Variants in MATN2 observed in about 807,000 individuals in gnomAD.
The protein encoded by MATN2 is matrilin-2.
Under a neutral mutation model 103.2 loss-of-function variants are expected in MATN2, and 69 were observed. The ratio of observed to expected loss-of-function variants is 0.67; its 90% CI spans 0.55 to 0.82. The LOEUF is 0.82. MATN2 is among the 40% of genes least tolerant of loss of function. The pLI, the probability that MATN2 is intolerant of heterozygous loss-of-function variation, is 0.00. For synonymous variants in MATN2, 429 were observed against 450.2 expected (o/e 0.95, Z 0.60); for missense variants, 1,023 against 1,211.5 (o/e 0.84, Z 2.31).
chr8:97,970,056 T>C (rs1259655045), intron 5 of MATN2, among the ~76,000 whole-genome samples: 1 of 152,230 alleles, frequency 6.6e-6, no homozygotes, highest in African/African-American at 2.4e-5. Flanking sequence ...AAAACAGCTT[T>C]ATTGAAGAGG....
intron 2 of MATN2, among the ~76,000 whole-genome samples, chr8:97,889,459 C>CTCTATATATATATATATATATATATA (rs1818554246): frequency 8.1e-6 from 1 of 123,366 alleles, no homozygotes; most frequent in Non-Finnish European, 1.7e-5. Context: ...CTCTCTCTGT[C>CTCTATATATATATATATATATATATA]TATATATATA....
At chr8:97,928,795 T>TA (rs1165520269) in intron 2 of MATN2, among the ~76,000 whole-genome samples, 1 of 152,228 alleles carries the variant, frequency 6.6e-6, no homozygotes, top group Non-Finnish European at 1.5e-5. Flanking sequence ...CTTAAATTCT[T>TA]ACAGCTGCCC....
Position 98,008,410 on chromosome 8 carries a change from G to A in MATN2, c.1573+809G>A, listed in dbSNP as rs1229759904. Among the ~76,000 whole-genome samples the A allele has an allele frequency of 2.0e-5, 3 of 152,182 alleles. No homozygotes were observed. The East Asian group carries it at 5.8e-4, about 29-fold the overall frequency. Reference sequence around the variant, plus strand: ...GACCACCATTTATCTTCCCCAGCCTGCTGGTCTTTCTGGTTATAGGGCCAA... The same window carrying A: ...GACCACCATTTATCTTCCCCAGCCTACTGGTCTTTCTGGTTATAGGGCCAA... On this transcript the variant is annotated intron_variant, in intron 10 of 18. Coordinates refer to ENST00000254898, the MANE Select transcript of MATN2 (RefSeq NM_002380.5).
chr8:98,015,834 G>A (rs1007854246), intron 10 of MATN2, among the ~76,000 whole-genome samples: 3 of 152,180 alleles, frequency 2.0e-5, no homozygotes, highest in African/African-American at 7.2e-5. Flanking sequence ...TATCCCCAGA[G>A]TCTAAAACAG....
In MATN2 at chr8:97,881,508, T is replaced by C. The variant is rs147084550; in HGVS notation, c.-26-6567T>C. Among the ~76,000 whole-genome samples, 84 of 152,366 alleles carry C rather than the reference T, an allele frequency of 5.5e-4. 1 individual carries two copies. Among genetic ancestry groups the C allele is most frequent in the Non-Finnish European group, 1.3e-4 (9 of 68,036 alleles). ...TTAAATGAAAAGACTCATTGTCCCA[T>C]GGAGAAGAGAAAAACTGTTAAAACA... On this transcript the variant is annotated intron_variant, in intron 1 of 18. Transcript: ENST00000254898.
At chr8:97,911,540 C>T (rs1265746727) in intron 2 of MATN2, among the ~76,000 whole-genome samples, 1 of 151,774 alleles carries the variant, frequency 6.6e-6, no homozygotes, top group Non-Finnish European at 1.5e-5. Flanking sequence ...CGCCCCGTCT[C>T]TACTAAAAAT....
At chr8:98,009,886 C>T (rs1048952582) in intron 10 of MATN2, among the ~76,000 whole-genome samples, 1 of 152,190 alleles carries the variant, frequency 6.6e-6, no homozygotes, top group African/African-American at 2.4e-5. Context: ...GACCACACTG[C>T]CCACTGGCCT....
chr8:98,007,399 G>C lies in MATN2; in HGVS notation c.1451-80G>C, dbSNP rs1371144689. Reference sequence around the variant, plus strand: ...GCATGCCTTCGAGGGAGGGCGGGGTGAGCATGACGGTCACTTGATCCAATC... The same window carrying C: ...GCATGCCTTCGAGGGAGGGCGGGGTCAGCATGACGGTCACTTGATCCAATC... On this transcript the variant is annotated intron_variant, in intron 9 of 18. Transcript: ENST00000254898. The surrounding 1 kb of genome is among the most constrained non-coding windows in gnomAD (Gnocchi z 4.2). The C allele has an allele frequency of 7.0e-6, 11 of 1,571,510 alleles. No homozygotes were observed. The highest frequency in any genetic ancestry group is 8.7e-6 in the Non-Finnish European group (10 of 1,150,452).
At position 97,887,829 on chromosome 8, in the gene MATN2, C is replaced by T. The variant is rs147876284; in HGVS notation, c.-26-246C>T. 1.7e-3 allele frequency: 489 copies of T among 280,726 alleles called. 2 individuals are homozygous for T. The highest frequency in any genetic ancestry group is 9.7e-3 in the African/African-American group (443 of 45,764). 17.4% of individuals were successfully genotyped at this position (280,726 alleles called of 1,614,324 possible). A position where few individuals can be genotyped will look rare whatever the true frequency, so the allele number is the denominator to read the frequency against. On this transcript the variant is annotated intron_variant, in intron 1 of 18. Transcript: ENST00000254898. ...CAGGATAGATTTTTCTCAAGTTTTCCATTCAGTCTTACAGTGATTAAAGTG... is the reference window on the plus strand; with the variant it reads ...CAGGATAGATTTTTCTCAAGTTTTCTATTCAGTCTTACAGTGATTAAAGTG...
At chr8:97,922,999 A>G (rs979227913) in intron 2 of MATN2, among the ~76,000 whole-genome samples, 1 of 152,154 alleles carries the variant, frequency 6.6e-6, no homozygotes, top group African/African-American at 2.4e-5. Context: ...GTTCTACCTA[A>G]TTGTTCTGCA....
intron 5 of MATN2, among the ~76,000 whole-genome samples, chr8:97,976,473 C>G (rs537819624): frequency 1.3e-5 from 2 of 152,210 alleles, no homozygotes; most frequent in Non-Finnish European, 2.9e-5. Context: ...TTACCCTTTA[C>G]AAATCTTCAG....
At chr8:97,940,173 C>T (rs1337926123) in intron 3 of MATN2, among the ~76,000 whole-genome samples, 1 of 152,162 alleles carries the variant, frequency 6.6e-6, no homozygotes, top group Non-Finnish European at 1.5e-5. Flanking sequence ...GGTGTGGTGG[C>T]TCATGTCTGT....
At chr8:98,008,689 A>C (rs757164046) in intron 10 of MATN2, among the ~76,000 whole-genome samples, 52 of 152,162 alleles carry the variant, frequency 3.4e-4, no homozygotes, top group Non-Finnish European at 7.2e-4. Context: ...GATCGGGCAC[A>C]GGGGGTGCAG....
intron 2 of MATN2, among the ~76,000 whole-genome samples, chr8:97,918,354 C>T (rs1809702550): frequency 6.6e-6 from 1 of 152,218 alleles, no homozygotes; most frequent in East Asian, 1.9e-4. Context: ...GCCTTCAGTA[C>T]AGTGCCTTCT....
At chr8:97,890,263 G>C (rs1355839603) in intron 2 of MATN2, among the ~76,000 whole-genome samples, 1 of 152,092 alleles carries the variant, frequency 6.6e-6, no homozygotes, top group South Asian at 2.1e-4. Context: ...TCAGGAGTTC[G>C]AGACCAGCCT....
rs189908356 is a variant in MATN2 at position 97,982,174 on chromosome 8, G to A, written c.1081+3166G>A. Among the ~76,000 whole-genome samples, 56 of 152,358 alleles carry A rather than the reference G, an allele frequency of 3.7e-4. No individual in the cohort carries two copies. Among genetic ancestry groups the A allele is most frequent in the Non-Finnish European group, 6.5e-4 (44 of 68,036 alleles). ...CCCAGGAGGAGGGAGACAAGAGGAAGAAAGGAGACAGAGTACTTGGAAAGC... is the reference window on the plus strand; with the variant it reads ...CCCAGGAGGAGGGAGACAAGAGGAAAAAAGGAGACAGAGTACTTGGAAAGC... On this transcript the variant is annotated intron_variant, in intron 6 of 18. Transcript: ENST00000254898. This position sits in a 1 kb window ranked among gnomAD's most constrained non-coding sequence, Gnocchi z 4.3.
Position 97,994,465 on chromosome 8 carries a change from T to C in MATN2, c.1082-15T>C. On this transcript the variant is annotated splice_polypyrimidine_tract_variant and intron_variant, in intron 6 of 18. Transcript: ENST00000254898. ...TGATTGGTTTGCCATTCTTGTGATT[T>C]TTCCTTCTTGCCAGAGATAGACTAC... 1 of 1,593,830 alleles carries C rather than the reference T, an allele frequency of 6.3e-7. No individual in the cohort carries two copies. Among genetic ancestry groups the C allele is most frequent in the Non-Finnish European group, 8.5e-7 (1 of 1,173,134 alleles).
chr8:97,981,513 G>A (rs931702262), intron 6 of MATN2, among the ~76,000 whole-genome samples: 1 of 152,156 alleles, frequency 6.6e-6, no homozygotes, highest in African/African-American at 2.4e-5. Flanking sequence ...GCTGGTGAGG[G>A]ACCTTAGCCA....
intron 6 of MATN2, among the ~76,000 whole-genome samples, chr8:97,992,042 C>A (rs1429328474): frequency 6.6e-6 from 1 of 152,052 alleles, no homozygotes; most frequent in Non-Finnish European, 1.5e-5. Context: ...AGTCAACTGA[C>A]AAAATTAGAA....
Sources: allele counts gnomAD v4.1 joint callset (sites outside exome capture counted in the v4.1 genomes callset), GRCh38; gene constraint gnomAD v4.1.1; non-coding constraint Gnocchi (gnomAD v3.1); transcripts MANE v1.5; gene names NCBI Gene and HGNC (gene_info 2026-07-23, HGNC 2026-07-21).